Variants in DRC8 observed in about 807,000 individuals in gnomAD.
DRC8 encodes the protein dynein regulatory complex protein 8.
the DRC8 span, among the ~76,000 whole-genome samples, chr1:244,998,706 G>C: frequency 6.6e-6 from 1 of 152,148 alleles, no homozygotes; most frequent in African/African-American, 2.4e-5. Context: ...TTGGAAAATG[G>C]GCAGGAAGCA....
the DRC8 span, among the ~76,000 whole-genome samples, chr1:244,977,508 G>A: frequency 6.6e-6 from 1 of 151,982 alleles, no homozygotes; most frequent in Non-Finnish European, 1.5e-5. Flanking sequence ...AACATGCTGA[G>A]ACCTCATCTT....
chr1:245,064,630 A>C, the DRC8 span, among the ~76,000 whole-genome samples: 1 of 151,528 alleles, frequency 6.6e-6, no homozygotes, highest in African/African-American at 2.4e-5. Flanking sequence ...TGAGATTTGT[A>C]TGTTTGAAAG....
At chr1:245,084,066 C>G in the DRC8 span, among the ~76,000 whole-genome samples, 1 of 118,902 alleles carries the variant, frequency 8.4e-6, no homozygotes, top group African/African-American at 3.1e-5. Flanking sequence ...AATTCCGCCC[C>G]CCCCCCGGCG....
the DRC8 span, among the ~76,000 whole-genome samples, chr1:245,120,275 T>C: frequency 6.6e-6 from 1 of 152,158 alleles, no homozygotes; most frequent in African/African-American, 2.4e-5. Context: ...TATGCGCCCT[T>C]CACGCATCTC....
At chr1:245,057,915 A>G in the DRC8 span, among the ~76,000 whole-genome samples, 3 of 152,168 alleles carry the variant, frequency 2.0e-5, no homozygotes, top group Admixed American at 2.0e-4. Context: ...ATTTGTTCCT[A>G]TTAACCCAAT....
At chr1:245,049,359 C>G in the DRC8 span, among the ~76,000 whole-genome samples, 1 of 152,168 alleles carries the variant, frequency 6.6e-6, no homozygotes, top group Non-Finnish European at 1.5e-5. The surrounding 1 kb of genome is among the most constrained non-coding windows in gnomAD (Gnocchi z 4.5). Flanking sequence ...TAAAAATAAC[C>G]TTAGAGTCAG....
chr1:245,047,091 G>C, the DRC8 span, among the ~76,000 whole-genome samples: 3 of 152,166 alleles, frequency 2.0e-5, no homozygotes, highest in South Asian at 2.1e-4. Flanking sequence ...ATCAGCCTTC[G>C]TGAAGGATGA....
chr1:245,034,001 A>G, the DRC8 span, among the ~76,000 whole-genome samples: 2 of 152,094 alleles, frequency 1.3e-5, no homozygotes, highest in South Asian at 2.1e-4. Flanking sequence ...GATTACAGGC[A>G]TGAGCCACCA....
chr1:244,987,641 A>AT, the DRC8 span, among the ~76,000 whole-genome samples: 36,844 of 147,986 alleles, frequency 0.25, 5,458 homozygotes, highest in African/African-American at 0.41. Context: ...TGGATTCTTG[A>AT]TTTTTTTTTT....
chr1:245,106,987 T>C, the DRC8 span, among the ~76,000 whole-genome samples: 2 of 152,186 alleles, frequency 1.3e-5, no homozygotes, highest in East Asian at 3.9e-4. Context: ...GAGGTTGCAG[T>C]GAGCCAAGAT....
chr1:245,074,906 GAACT>G, the DRC8 span, among the ~76,000 whole-genome samples: 3 of 149,060 alleles, frequency 2.0e-5, no homozygotes, highest in African/African-American at 7.3e-5. Context: ...AGCCTAATGT[GAACT>G]ATCTCATGGT....
the DRC8 span, among the ~76,000 whole-genome samples, chr1:245,111,558 C>T: frequency 2.0e-5 from 3 of 152,148 alleles, no homozygotes; most frequent in Non-Finnish European, 2.9e-5. Flanking sequence ...TCCTCTTGAA[C>T]GTATTCGCAG....
At chr1:245,031,610 C>T in the DRC8 span, among the ~76,000 whole-genome samples, 7 of 152,026 alleles carry the variant, frequency 4.6e-5, no homozygotes, top group African/African-American at 1.4e-4. Context: ...TTATGTGAGC[C>T]GTCTCCATGA....
the DRC8 span, chr1:245,123,511 C>G: frequency 6.4e-6 from 1 of 155,960 alleles, no homozygotes; most frequent in African/African-American, 2.4e-5. The surrounding 1 kb of genome is among the most constrained non-coding windows in gnomAD (Gnocchi z 5.0). Flanking sequence ...CACAGCTCAC[C>G]AAGACACAGA....
At chr1:245,104,733 A>C in the DRC8 span, among the ~76,000 whole-genome samples, 1 of 152,026 alleles carries the variant, frequency 6.6e-6, no homozygotes, top group Non-Finnish European at 1.5e-5. Flanking sequence ...AGAGATAAGG[A>C]CCTCCTTCCC....
the DRC8 span, chr1:244,970,830 C>T: frequency 6.3e-6 from 2 of 315,202 alleles, no homozygotes; most frequent in South Asian, 6.1e-5. Flanking sequence ...CGGGCTGCGC[C>T]GGAGGCGCCG....
chr1:245,119,646 A>G, the DRC8 span, among the ~76,000 whole-genome samples: 1 of 151,028 alleles, frequency 6.6e-6, no homozygotes, highest in African/African-American at 2.4e-5. Flanking sequence ...CTAAAAAAAA[A>G]AAGGAGGCTG....
At chr1:245,037,110 AAAG>A in the DRC8 span, among the ~76,000 whole-genome samples, 4 of 152,252 alleles carry the variant, frequency 2.6e-5, no homozygotes, top group African/African-American at 4.8e-5. Flanking sequence ...TAATTCTATC[AAAG>A]AAGAACATTT....
the DRC8 span, among the ~76,000 whole-genome samples, chr1:245,115,910 A>G: frequency 2.8e-5 from 4 of 144,724 alleles, no homozygotes; most frequent in African/African-American, 1.1e-4. Context: ...TTTTTGAGAC[A>G]GGGTCTCACT....
Sources: allele counts gnomAD v4.1 joint callset (sites outside exome capture counted in the v4.1 genomes callset), GRCh38; gene constraint gnomAD v4.1.1; non-coding constraint Gnocchi (gnomAD v3.1); transcripts MANE v1.5; gene names NCBI Gene and HGNC (gene_info 2026-07-23, HGNC 2026-07-21).